Variants in MAST4 observed in about 807,000 individuals in gnomAD.
MAST4 encodes microtubule associated serine/threonine kinase family member 4.
In MAST4, 89 loss-of-function variants were observed where a neutral mutation model predicts 162.7. That is an observed-to-expected ratio of 0.55 (90% CI 0.46 to 0.65). The LOEUF is 0.65. Ranked by LOEUF, MAST4 falls within the 30% of genes least tolerant of loss-of-function variation. The pLI, the probability that MAST4 is intolerant of heterozygous loss-of-function variation, is 0.00. For missense variants in MAST4, 3,153 were observed against 3,374.0 expected, an observed-to-expected ratio of 0.93 and a Z score of 1.62; for synonymous variants, 1,479 against 1,361.1, an observed-to-expected ratio of 1.09 and a Z score of -1.91.
chr5:66,752,244 C>G (rs905581299), intron 1 of MAST4, among the ~76,000 whole-genome samples: 50 of 152,140 alleles, frequency 3.3e-4, no homozygotes, highest in Non-Finnish European at 6.9e-4. Context: ...AACTAATGAG[C>G]AAAATAACCA....
At chr5:67,051,578 G>C (rs185685380) in intron 4 of MAST4, among the ~76,000 whole-genome samples, 1 of 152,244 alleles carries the variant, frequency 6.6e-6, no homozygotes, top group East Asian at 1.9e-4. Context: ...TTAGGTGACT[G>C]TCAGATATCC....
At chr5:67,120,268 A>G (rs1767413039) in intron 13 of MAST4, among the ~76,000 whole-genome samples, 1 of 152,174 alleles carries the variant, frequency 6.6e-6, no homozygotes, top group Admixed American at 6.5e-5. Flanking sequence ...GTGGGATGAC[A>G]GGGTCAGTGA....
chr5:66,835,666 T>A (rs1429417392), intron 3 of MAST4, among the ~76,000 whole-genome samples: 2 of 152,240 alleles, frequency 1.3e-5, no homozygotes, highest in African/African-American at 4.8e-5. Context: ...ATCATTTTGT[T>A]GTTAGCACTA....
chr5:66,968,485 T>C (rs927201200), intron 4 of MAST4, among the ~76,000 whole-genome samples: 1 of 152,106 alleles, frequency 6.6e-6, no homozygotes, highest in African/African-American at 2.4e-5. Flanking sequence ...AGAAGAATAT[T>C]ATCACTGTGC....
chr5:66,625,004 C>T (rs543635096), intron 1 of MAST4, among the ~76,000 whole-genome samples: 17 of 152,030 alleles, frequency 1.1e-4, no homozygotes, highest in African/African-American at 3.6e-4. Flanking sequence ...TAAAAAGCTT[C>T]GTCGTAGCAA....
chr5:67,110,318 T>C (rs1326390355), intron 11 of MAST4, 119 bp downstream of exon 11: 2 of 698,310 alleles, frequency 2.9e-6, no homozygotes, highest in Non-Finnish European at 5.1e-6. Flanking sequence ...TCAAAGGGAA[T>C]TACAACTTGT....
At chr5:66,756,237 C>T (rs988038419) in intron 1 of MAST4, among the ~76,000 whole-genome samples, 9 of 152,204 alleles carry the variant, frequency 5.9e-5, no homozygotes, top group Middle Eastern at 3.4e-3. Context: ...TAAGAACTAA[C>T]GTAGGAAATT....
At chr5:66,727,763 A>G (rs1481566370) in intron 1 of MAST4, among the ~76,000 whole-genome samples, 1 of 152,040 alleles carries the variant, frequency 6.6e-6, no homozygotes, top group Admixed American at 6.5e-5. Flanking sequence ...ATTAGAATAC[A>G]GAGTTGGTAG....
At chr5:67,093,261 C>T (rs558977447) in intron 6 of MAST4, among the ~76,000 whole-genome samples, 19 of 152,240 alleles carry the variant, frequency 1.2e-4, no homozygotes, top group African/African-American at 4.1e-4. Context: ...GATTCCCACC[C>T]ACAAGGAAAA....
chr5:66,727,817 G>A (rs1751614166), intron 1 of MAST4, among the ~76,000 whole-genome samples: 1 of 152,052 alleles, frequency 6.6e-6, no homozygotes, highest in Admixed American at 6.6e-5. Flanking sequence ...GAGTCCACAG[G>A]TCCCTGGTCC....
chr5:66,958,647 G>A (rs943020818), intron 4 of MAST4, among the ~76,000 whole-genome samples: 1 of 152,060 alleles, frequency 6.6e-6, no homozygotes, highest in Non-Finnish European at 1.5e-5. Context: ...TTTATTCCTC[G>A]TTCTGATGAT....
At chr5:67,082,971 G>A (rs1360265129) in intron 5 of MAST4, among the ~76,000 whole-genome samples, 1 of 152,142 alleles carries the variant, frequency 6.6e-6, no homozygotes, top group African/African-American at 2.4e-5. Flanking sequence ...CATTTTTAAA[G>A]CTTCAAAGGT....
rs780078957 is a variant in MAST4 at position 67,121,099 on chromosome 5, A to G, written c.1742A>G (p.Tyr581Cys). 9 of 1,598,756 alleles carry G rather than the reference A, an allele frequency of 5.6e-6. No individual in the cohort carries two copies. Among genetic ancestry groups the G allele is most frequent in the African/African-American group, 2.7e-5 (2 of 74,646 alleles). The change falls in exon 14 of 29, where the codon TAT becomes TGT. Residue 581 changes from tyrosine to cysteine, a missense_variant. Tyr to Cys is a radical substitution (Grantham distance 194). Around this residue, in one of 7 missense-constraint regions of MAST4, gnomAD observed 360 missense variants for 450.0 expected, o/e 0.80. Transcript: ENST00000403625. ...ATTAAATTGATTAGCAATGGAGCCT[A>G]TGGGTGAGTAATTCAAGAAAAGCTC... is the stretch of plus-strand genomic sequence containing the variant. ...ETIKLISNGA[Y>C]GAVYFVRHKE...
chr5:66,622,435 T>TC (rs1554036025), intron 1 of MAST4, among the ~76,000 whole-genome samples: 14 of 151,578 alleles, frequency 9.2e-5, no homozygotes, highest in African/African-American at 3.4e-4. Context: ...TTTTTTTTTT[T>TC]CTAACTTGGA....
Position 67,167,205 on chromosome 5 carries a change from CT to C in MAST4, c.*156del, listed in dbSNP as rs1364210691. On this transcript the variant is annotated 3_prime_UTR_variant, in exon 29 of 29. Coordinates refer to ENST00000403625, the MANE Select transcript of MAST4 (RefSeq NM_001164664.2). ...GGAGAGAGAAAGACAAAGAGGGGACCTTCTTCCAGATGCCTTCCCAGTTGTA... is the reference window on the plus strand; with the variant it reads ...GGAGAGAGAAAGACAAAGAGGGGACCTCTTCCAGATGCCTTCCCAGTTGTA... 4.1e-5 allele frequency: 15 copies of C among 369,350 alleles called. No individual in the cohort carries two copies. Among genetic ancestry groups the C allele is most frequent in the African/African-American group, 3.3e-4 (14 of 42,576 alleles). The allele number at this position is 369,350 out of a possible 1,614,324, so 22.9% of individuals were successfully genotyped here.
chr5:66,776,736 A>G (rs772559493), intron 2 of MAST4, among the ~76,000 whole-genome samples: 2 of 152,242 alleles, frequency 1.3e-5, no homozygotes, highest in East Asian at 3.8e-4. Context: ...TGTGTTTCAC[A>G]TGCAGGATAT....
intron 4 of MAST4, among the ~76,000 whole-genome samples, chr5:67,030,730 G>T (rs1191142934): frequency 1.3e-5 from 2 of 152,120 alleles, no homozygotes; most frequent in Admixed American, 1.3e-4. Flanking sequence ...TCTTCTAAGT[G>T]TTCTGTACCT....
chr5:66,806,461 G>A (rs551019835), intron 3 of MAST4, among the ~76,000 whole-genome samples: 40 of 152,316 alleles, frequency 2.6e-4, no homozygotes, highest in African/African-American at 7.9e-4. Context: ...TCTGTGCCCC[G>A]TCTGTGCTGA....
chr5:66,695,445 G>A (rs1305911919), intron 1 of MAST4, among the ~76,000 whole-genome samples: 1 of 152,132 alleles, frequency 6.6e-6, no homozygotes, highest in South Asian at 2.1e-4. Context: ...AAGTCGGGTA[G>A]CATGATCCCT....
Sources: allele counts gnomAD v4.1 joint callset (sites outside exome capture counted in the v4.1 genomes callset), GRCh38; gene constraint gnomAD v4.1.1; regional missense constraint gnomAD v4.1.1; transcripts MANE v1.5; gene names NCBI Gene and HGNC (gene_info 2026-07-23, HGNC 2026-07-21).